OLFM3: variants seen among roughly 807,000 people sequenced by gnomAD.
The protein encoded by OLFM3 is olfactomedin 3.
Under a neutral mutation model 48.6 loss-of-function variants are expected in OLFM3, and 20 were observed. The observed-to-expected ratio is 0.41, with a 90% CI of 0.29 to 0.60. The LOEUF (loss-of-function observed/expected upper bound fraction) is 0.60, where lower values mean the gene tolerates loss of function less well. OLFM3 is among the 20% of genes least tolerant of loss of function. The pLI, the probability that OLFM3 is intolerant of heterozygous loss-of-function variation, is 0.28. For synonymous variants in OLFM3, 222 were observed against 198.1 expected (o/e 1.12, Z -1.01); for missense variants, 437 against 544.3 (o/e 0.80, Z 1.96).
rs763754977 is a variant in OLFM3, at chr1:101,945,556, AT to A, written c.69+51191del. 2.1e-3 allele frequency among the ~76,000 whole-genome samples: 317 copies of A among 151,190 alleles called. 3 individuals carry two copies. The highest frequency in any genetic ancestry group is 0.016 in the Admixed American group (236 of 15,156). On this transcript the variant is annotated intron_variant, in intron 1 of 5. Coordinates refer to ENST00000370103, the MANE Select transcript of OLFM3 (RefSeq NM_058170.4). ...AAAGGGAAAATTGGAGTGGTGATAG[AT>A]TTTTTTTTTATATTGGTGATAGTTT...
At chr1:101,834,113 A>C (rs1281401753) in intron 2 of OLFM3, among the ~76,000 whole-genome samples, 1 of 152,206 alleles carries the variant, frequency 6.6e-6, no homozygotes, top group African/African-American at 2.4e-5. Context: ...TAATATAAAT[A>C]CCTGTTAAAT....
chr1:101,931,275 C>T (rs899621665), intron 1 of OLFM3, among the ~76,000 whole-genome samples: 8 of 152,102 alleles, frequency 5.3e-5, no homozygotes, highest in Non-Finnish European at 1.0e-4. Context: ...TTTCTCATTA[C>T]TTAGGACATT....
intron 1 of OLFM3, chr1:101,847,121 C>G: frequency 7.8e-7 from 1 of 1,283,998 alleles, no homozygotes; most frequent in Non-Finnish European, 1.0e-6. Context: ...GCTTCGGAAC[C>G]TCCTTCCCCC....
chr1:101,883,907 C>T (rs945178696), intron 1 of OLFM3, among the ~76,000 whole-genome samples: 5 of 151,460 alleles, frequency 3.3e-5, no homozygotes, highest in African/African-American at 9.7e-5. Flanking sequence ...TCCATCTGGC[C>T]TTACAAATGG....
chr1:101,976,165 TTAGAG>T (rs1660947756), intron 1 of OLFM3, among the ~76,000 whole-genome samples: 1 of 152,234 alleles, frequency 6.6e-6, no homozygotes, highest in African/African-American at 2.4e-5. Flanking sequence ...TGTTATTATT[TTAGAG>T]TAAATTTACC....
chr1:101,871,434 G>A (rs1253313098), intron 1 of OLFM3, among the ~76,000 whole-genome samples: 1 of 152,038 alleles, frequency 6.6e-6, no homozygotes, highest in African/African-American at 2.4e-5. Context: ...TACTTTACTA[G>A]TTAATTTACT....
intron 1 of OLFM3, among the ~76,000 whole-genome samples, chr1:101,934,205 C>T (rs948959489): frequency 2.0e-5 from 3 of 152,174 alleles, no homozygotes; most frequent in African/African-American, 7.2e-5. Flanking sequence ...CAATGGTCTG[C>T]TGTCTTCAAG....
chr1:101,985,718 G>T (rs2101114426), intron 1 of OLFM3, among the ~76,000 whole-genome samples: 1 of 152,222 alleles, frequency 6.6e-6, no homozygotes, highest in South Asian at 2.1e-4. Flanking sequence ...AAAAACTAAT[G>T]GAAGGGAAGA....
intron 1 of OLFM3, among the ~76,000 whole-genome samples, chr1:101,974,258 G>A (rs767029122): frequency 6.6e-5 from 10 of 151,970 alleles, no homozygotes; most frequent in African/African-American, 1.9e-4. Flanking sequence ...TTACACATTC[G>A]TGTCTGTGGA....
At chr1:101,842,081 A>G (rs1655748310) in intron 1 of OLFM3, among the ~76,000 whole-genome samples, 2 of 152,186 alleles carry the variant, frequency 1.3e-5, no homozygotes, top group African/African-American at 4.8e-5. Flanking sequence ...GTTAATAAAG[A>G]TGTCACTGCA....
chr1:101,863,128 C>T (rs574576065), intron 1 of OLFM3, among the ~76,000 whole-genome samples: 2 of 151,896 alleles, frequency 1.3e-5, no homozygotes, highest in East Asian at 3.9e-4. Flanking sequence ...ACTTGGTTAA[C>T]TTTTGTATTT....
chr1:101,810,563 C>A (rs1384948991), intron 4 of OLFM3, among the ~76,000 whole-genome samples: 1 of 151,886 alleles, frequency 6.6e-6, no homozygotes, highest in East Asian at 1.9e-4. Context: ...GCAAAAATCA[C>A]ATTTATATAT....
At chr1:101,925,174 A>C (rs76028938) in intron 1 of OLFM3, among the ~76,000 whole-genome samples, 4,880 of 152,226 alleles carry the variant, frequency 0.032, 157 homozygotes, top group African/African-American at 0.079. Context: ...ATATGGTCAC[A>C]GGGTGCCAGA....
intron 1 of OLFM3, among the ~76,000 whole-genome samples, chr1:101,988,241 A>G (rs1661306675): frequency 6.6e-6 from 1 of 152,172 alleles, no homozygotes; most frequent in Non-Finnish European, 1.5e-5. Context: ...AACAACATGT[A>G]CACATTAATG....
Position 101,872,034 on chromosome 1 carries a change from G to A in OLFM3, c.70-35009C>T, listed in dbSNP as rs973081203. Among the ~76,000 whole-genome samples, 10 of 152,124 alleles carry A rather than the reference G, an allele frequency of 6.6e-5. No individual in the cohort carries two copies. The East Asian group carries it at 1.5e-3, about 24-fold the overall frequency. ...TAGAGAGGTGTTAACTGAGTTGAGC[G>A]TTAAAGAATGGGTGGCAGTTTTGCA... On this transcript the variant is annotated intron_variant, in intron 1 of 5. Transcript: ENST00000370103.
intron 1 of OLFM3, among the ~76,000 whole-genome samples, chr1:101,979,092 T>TG (rs553711876): frequency 4.8e-4 from 73 of 152,250 alleles, no homozygotes; most frequent in Admixed American, 1.2e-3. Flanking sequence ...GTATGTCTTG[T>TG]GGGGGGGCAT....
At chr1:101,847,348 T>A (rs1013320034) in intron 1 of OLFM3, among the ~76,000 whole-genome samples, 1 of 151,518 alleles carries the variant, frequency 6.6e-6, no homozygotes, top group African/African-American at 2.4e-5. Context: ...TCAGCTACTC[T>A]TTATCTTTCA....
chr1:101,989,632 GA>G (rs1200955596), intron 1 of OLFM3, among the ~76,000 whole-genome samples: 22 of 151,698 alleles, frequency 1.5e-4, no homozygotes, highest in African/African-American at 2.4e-4. Flanking sequence ...GTATAGAAAA[GA>G]AAAAAAATTA....
At chr1:101,832,219 C>T (rs947864185) in intron 2 of OLFM3, among the ~76,000 whole-genome samples, 2 of 152,114 alleles carry the variant, frequency 1.3e-5, no homozygotes, top group Non-Finnish European at 2.9e-5. Context: ...AATACAAATA[C>T]ATGCACACAC....
Sources: gnomAD v4.1 joint callset for allele counts (sites outside exome capture counted in the v4.1 genomes callset) on GRCh38, gnomAD v4.1.1 for gene constraint, MANE v1.5 for transcripts, NCBI Gene and HGNC (gene_info 2026-07-23, HGNC 2026-07-21) for gene names.